The following TBX4 variants were observed in gnomAD, a reference collection of about 807,000 sequenced individuals.
The protein encoded by TBX4 is T-box transcription factor 4.
TBX4 carries 13 observed loss-of-function variants against 54.6 expected under a neutral mutation model. The ratio of observed to expected loss-of-function variants is 0.24; its 90% confidence interval spans 0.15 to 0.38. The LOEUF (loss-of-function observed/expected upper bound fraction) is 0.38. Among genes scored for constraint, TBX4 ranks in the 10% least tolerant of loss-of-function variants. The pLI, the probability that TBX4 is intolerant of heterozygous loss-of-function variation, is 1.00. For missense variants in TBX4, 631 were observed against 728.5 expected (o/e 0.87, Z 1.54); for synonymous variants, 314 against 306.7 (o/e 1.02, Z -0.25).
In TBX4 at chr17:61,457,715, C is replaced by T. The variant is rs1362659840; in HGVS notation, c.281+84C>T. 4.4e-6 allele frequency: 6 copies of T among 1,357,940 alleles called. No homozygotes were observed. The Admixed American group carries it at 5.6e-5, about 13-fold the overall frequency. The allele number at this position is 1,357,940 out of a possible 1,614,324, so 84.1% of individuals were successfully genotyped here. The stretch of plus-strand genomic sequence containing the variant: ...GGTCCCTTAGAAGTCCTCTCGGCCC[C>T]GGCCTGGTGGCCTGTGGGAGGCCTC... On this transcript the variant is annotated intron_variant, in intron 3 of 8. Coordinates refer to ENST00000644296, the MANE Select transcript of TBX4 (RefSeq NM_001321120.2). The surrounding 1 kb of genome is among the most constrained non-coding windows in gnomAD (Gnocchi z 8.2).
In TBX4 at chr17:61,466,417, G is replaced by A. The variant is rs971636864; in HGVS notation, c.401+479G>A. Among the ~76,000 whole-genome samples, 11 of 152,184 alleles carry A rather than the reference G, an allele frequency of 7.2e-5. No individual in the cohort carries two copies. In the East Asian group the frequency reaches 1.2e-3, roughly 16 times the overall value. ...TTCAGGCCCCTCCAGCCATCCAGAC[G>A]AAGTGAGGCTCCACCAGGGGGTTGG... On this transcript the variant is annotated intron_variant, in intron 4 of 8. Transcript: ENST00000644296.
In TBX4 at chr17:61,457,435, G is replaced by T; in HGVS notation, c.187-102G>T. ...ATCTGGAGCCATGGGCTCCGGGCGG[G>T]CAGGGTTCCGCACAGCTCTTCGGGT... On this transcript the variant is annotated intron_variant, in intron 2 of 8. Transcript: ENST00000644296. This position sits in a 1 kb window ranked among gnomAD's most constrained non-coding sequence, Gnocchi z 8.2. 5 of 1,057,176 alleles carry T rather than the reference G, an allele frequency of 4.7e-6. No individual in the cohort carries two copies. Among genetic ancestry groups the T allele is most frequent in the Non-Finnish European group, 7.3e-6 (5 of 680,482 alleles). 65.5% of individuals were successfully genotyped at this position (1,057,176 alleles called of 1,614,324 possible). A position where few individuals can be genotyped will look rare whatever the true frequency, so the allele number is the denominator to read the frequency against.
intron 3 of TBX4, among the ~76,000 whole-genome samples, chr17:61,458,402 T>C (rs758855010): frequency 6.6e-6 from 1 of 151,850 alleles, no homozygotes; most frequent in Non-Finnish European, 1.5e-5. Context: ...ACAGAGACGC[T>C]GGCAAGTTCA....
chr17:61,460,815 CAGATA>C lies in TBX4; in HGVS notation c.281+3186_281+3190del, dbSNP rs1290711817. 6.6e-6 allele frequency among the ~76,000 whole-genome samples: 1 copy of C among 152,236 alleles called. No individual in the cohort carries two copies. The highest frequency in any genetic ancestry group is 1.5e-5 in the Non-Finnish European group (1 of 68,046). Reference sequence around the variant, plus strand: ...TACTCCTAGGTCAGGGTTTTGCCACCAGATAAATCTCCACTATCAGCCTTCATAGC... The same window carrying C: ...TACTCCTAGGTCAGGGTTTTGCCACCAATCTCCACTATCAGCCTTCATAGC... On this transcript the variant is annotated intron_variant, in intron 3 of 8. Coordinates refer to ENST00000644296, the MANE Select transcript of TBX4 (RefSeq NM_001321120.2). The surrounding 1 kb of genome is among the most constrained non-coding windows in gnomAD (Gnocchi z 4.4).
rs943166340 is a variant in TBX4 at position 61,456,440 on chromosome 17, G to A, written c.-3-48G>A. 9.1e-6 allele frequency: 14 copies of A among 1,544,092 alleles called. No individual in the cohort carries two copies. In the Admixed American group the frequency reaches 2.8e-4, roughly 30 times the overall value. ...GGCTGGAGAGGGCCAGGGGTCCTCTGGCGAGTGTGGACCTGGGCGAGTGAC... is the reference window on the plus strand; with the variant it reads ...GGCTGGAGAGGGCCAGGGGTCCTCTAGCGAGTGTGGACCTGGGCGAGTGAC... On this transcript the variant is annotated intron_variant, in intron 1 of 8. Transcript: ENST00000644296.
At position 61,478,785 on chromosome 17, in the gene TBX4, G is replaced by GCCACTGCC; in HGVS notation, c.702+19_702+26dup. 3 of 1,614,094 alleles carry GCCACTGCC rather than the reference G, an allele frequency of 1.9e-6. No individual in the cohort carries two copies. The highest frequency in any genetic ancestry group is 2.2e-5 in the East Asian group (1 of 44,864). ...CCTCCTACCAGAATCACAAGGTACA[G>GCCACTGCC]CCACTGCCCCACTGCCCCACAGCCC... On this transcript the variant is annotated splice_region_variant and intron_variant, in intron 6 of 8. Coordinates refer to ENST00000644296, the MANE Select transcript of TBX4 (RefSeq NM_001321120.2). This position sits in a 1 kb window ranked among gnomAD's most constrained non-coding sequence, Gnocchi z 7.4.
Position 61,456,541 on chromosome 17 carries a change from G to C in TBX4, c.51G>C (p.Pro17=). 1 of 1,557,394 alleles carries C rather than the reference G, an allele frequency of 6.4e-7. No individual in the cohort carries two copies. Among genetic ancestry groups the C allele is most frequent in the Non-Finnish European group, 8.7e-7 (1 of 1,151,286 alleles). Residue 17 remains proline, a synonymous_variant, in exon 2 of 9, where the codon CCG becomes CCC. Coordinates refer to ENST00000644296, the MANE Select transcript of TBX4 (RefSeq NM_001321120.2). ...AGAGCGAGGAGGCCTTCCGGGCCCC[G>C]GGCCCAGCGCTCGGAGAGGCCAGCG... The part of the protein sequence containing the change: ...LSESEEAFRA[P]GPALGEASAA...
chr17:61,471,898 T>TA (rs1377709832), intron 5 of TBX4, among the ~76,000 whole-genome samples: 15 of 98,678 alleles, frequency 1.5e-4, no homozygotes, highest in African/African-American at 6.6e-4. Context: ...GCTAATTTTT[T>TA]TTTTTTTTTT....
chr17:61,482,341 T>C (rs1012284242), intron 8 of TBX4, among the ~76,000 whole-genome samples: 1 of 152,260 alleles, frequency 6.6e-6, no homozygotes, highest in African/African-American at 2.4e-5. Context: ...GTAGTAAAAA[T>C]CTGATGGTTC....
At chr17:61,466,339 G>A (rs752460171) in intron 4 of TBX4, among the ~76,000 whole-genome samples, 3 of 152,186 alleles carry the variant, frequency 2.0e-5, no homozygotes, top group Non-Finnish European at 4.4e-5. Context: ...TTAAGGGCAA[G>A]CCATTACCTG....
At position 61,474,656 on chromosome 17, in the gene TBX4, T is replaced by C. The variant is rs371285590; in HGVS notation, c.550-3971T>C. ...GCCAGAACATAATGAATCCCATTTC[T>C]GTGAAACGATGATGACGGAACCAGT... On this transcript the variant is annotated intron_variant, in intron 5 of 8. Coordinates refer to ENST00000644296, the MANE Select transcript of TBX4 (RefSeq NM_001321120.2). The surrounding 1 kb of genome is among the most constrained non-coding windows in gnomAD (Gnocchi z 4.6). Among the ~76,000 whole-genome samples, 5 of 152,384 alleles carry C rather than the reference T, an allele frequency of 3.3e-5. No individual in the cohort carries two copies. Among genetic ancestry groups the C allele is most frequent in the African/African-American group, 1.2e-4 (5 of 41,600 alleles).
intron 5 of TBX4, among the ~76,000 whole-genome samples, chr17:61,471,505 C>T (rs369353773): frequency 2.0e-5 from 3 of 151,852 alleles, no homozygotes; most frequent in East Asian, 1.9e-4. Context: ...CTTTCAACCC[C>T]CAGTACAGGC....
intron 3 of TBX4, among the ~76,000 whole-genome samples, chr17:61,458,571 G>A (rs1465247507): frequency 6.6e-6 from 1 of 152,162 alleles, no homozygotes; most frequent in Admixed American, 6.5e-5. Context: ...CAAGTGCCAG[G>A]AATTTGGAGT....
At chr17:61,482,852 G>A (rs773175510) in intron 8 of TBX4, 45 bp from the exon 9 acceptor site, 2 of 1,606,934 alleles carry the variant, frequency 1.2e-6, no homozygotes, top group South Asian at 1.1e-5. Flanking sequence ...TCTGGGGCCT[G>A]GGCTGGTGGA....
Position 61,479,772 on chromosome 17 carries a change from C to T in TBX4, c.703-109C>T, listed in dbSNP as rs369719384. The stretch of plus-strand genomic sequence containing the variant: ...AGTGAGAAGCGGTGAGGCTGGAGAG[C>T]GACCCCTGAGGGAGGGAGGTTACAT... On this transcript the variant is annotated intron_variant, in intron 6 of 8. Transcript: ENST00000644296. This position sits in a 1 kb window ranked among gnomAD's most constrained non-coding sequence, Gnocchi z 6.1. The T allele has an allele frequency of 1.5e-3, 1,723 of 1,161,728 alleles. 21 individuals carry two copies. The highest frequency in any genetic ancestry group is 0.013 in the South Asian group (1,071 of 80,214). 72.0% of individuals were successfully genotyped at this position (1,161,728 alleles called of 1,614,324 possible). A position where few individuals can be genotyped will look rare whatever the true frequency, so the allele number is the denominator to read the frequency against.
chr17:61,456,908 C>T (rs559282559), intron 2 of TBX4, among the ~76,000 whole-genome samples: 2 of 152,190 alleles, frequency 1.3e-5, no homozygotes, highest in Non-Finnish European at 2.9e-5. Context: ...AGAGCTAGAG[C>T]TAGAGATAGA....
In TBX4 at chr17:61,480,397, C is replaced by T; in HGVS notation, c.1021+78C>T. 6.5e-6 allele frequency: 7 copies of T among 1,075,966 alleles called. No homozygotes were observed. The highest frequency in any genetic ancestry group is 1.5e-5 in the South Asian group (1 of 68,854). The allele number at this position is 1,075,966 out of a possible 1,614,324, so 66.7% of individuals were successfully genotyped here. On this transcript the variant is annotated intron_variant, in intron 8 of 8. Coordinates refer to ENST00000644296, the MANE Select transcript of TBX4 (RefSeq NM_001321120.2). This position sits in a 1 kb window ranked among gnomAD's most constrained non-coding sequence, Gnocchi z 6.2. ...CTCCCCGAAACCACTCTGCAGCGCC[C>T]CCCCCCCCAACACACACACACTCAT...
chr17:61,480,770 A>G lies in TBX4; in HGVS notation c.1021+451A>G, dbSNP rs1312205502. ...TCTCACGTGCAGGGCCTTCCACCCA[A>G]TCATTCCTTCCAGGATCTGCAGAGG... On this transcript the variant is annotated intron_variant, in intron 8 of 8. Coordinates refer to ENST00000644296, the MANE Select transcript of TBX4 (RefSeq NM_001321120.2). This position sits in a 1 kb window ranked among gnomAD's most constrained non-coding sequence, Gnocchi z 6.2. Among the ~76,000 whole-genome samples, 2 of 152,196 alleles carry G rather than the reference A, an allele frequency of 1.3e-5. No homozygotes were observed. The highest frequency in any genetic ancestry group is 4.8e-5 in the African/African-American group (2 of 41,446).
rs183400933 is a variant in TBX4, at chr17:61,472,309, G to A, written c.549+4652G>A. Among the ~76,000 whole-genome samples, 3 of 152,332 alleles carry A rather than the reference G, an allele frequency of 2.0e-5. No homozygotes were observed. Among genetic ancestry groups the A allele is most frequent in the Non-Finnish European group, 2.9e-5 (2 of 68,032 alleles). On this transcript the variant is annotated intron_variant, in intron 5 of 8. Transcript: ENST00000644296. The surrounding 1 kb of genome is among the most constrained non-coding windows in gnomAD (Gnocchi z 4.5). ...ACCACTGCTGTGGCCTTACCAATAA[G>A]GGCGGGAGAGCAAACTTGTGGATTT...
Sources: allele counts gnomAD v4.1 joint callset (sites outside exome capture counted in the v4.1 genomes callset), GRCh38; gene constraint gnomAD v4.1.1; non-coding constraint Gnocchi (gnomAD v3.1); transcripts MANE v1.5; gene names NCBI Gene and HGNC (gene_info 2026-07-23, HGNC 2026-07-21).